PCBP3: variants seen among roughly 807,000 people sequenced by gnomAD.
The protein encoded by PCBP3 is poly(rC) binding protein 3.
Under a neutral mutation model 52.7 loss-of-function variants are expected in PCBP3, and 25 were observed. The ratio of observed to expected loss-of-function variants is 0.47; its 90% CI spans 0.35 to 0.66. The LOEUF is 0.66. Ranked by LOEUF, PCBP3 falls within the 30% of genes least tolerant of loss-of-function variation. The probability of loss-of-function intolerance (pLI) is 0.01; values close to 1 mark genes in which losing one functional copy is unlikely to be tolerated. For synonymous variants in PCBP3, 162 were observed against 183.0 expected, an observed-to-expected ratio of 0.89 and a Z score of 0.93; for missense variants, 391 against 490.3, an observed-to-expected ratio of 0.80 and a Z score of 1.91.
At chr21:45,870,254 C>T (rs901570541) in intron 5 of PCBP3, among the ~76,000 whole-genome samples, 3 of 151,628 alleles carry the variant, frequency 2.0e-5, no homozygotes, top group Admixed American at 1.3e-4. Context: ...TAGCTTATAT[C>T]TTTTTTAAGG....
At chr21:45,707,127 G>C (rs1255603589) in intron 2 of PCBP3, among the ~76,000 whole-genome samples, 1 of 152,126 alleles carries the variant, frequency 6.6e-6, no homozygotes, top group Non-Finnish European at 1.5e-5. Flanking sequence ...AATATTCCCT[G>C]ATAGAAGCCT....
At chr21:45,667,415 A>T (rs1030016256) in intron 1 of PCBP3, among the ~76,000 whole-genome samples, 2 of 151,948 alleles carry the variant, frequency 1.3e-5, no homozygotes, top group East Asian at 3.9e-4. Flanking sequence ...CAGTTGATCT[A>T]TCATCAAGCT....
Position 45,917,705 on chromosome 21 carries a change from G to A in PCBP3, c.717+76G>A, listed in dbSNP as rs757889286. 1.7e-5 allele frequency: 19 copies of A among 1,093,158 alleles called. No individual in the cohort carries two copies. In the South Asian group the frequency reaches 2.2e-4, roughly 13 times the overall value. The allele number at this position is 1,093,158 out of a possible 1,614,324, so 67.7% of individuals were successfully genotyped here. On this transcript the variant is annotated intron_variant, in intron 13 of 17. Transcript: ENST00000681687. The surrounding 1 kb of genome is among the most constrained non-coding windows in gnomAD (Gnocchi z 5.3). Reference sequence around the variant, plus strand: ...ACCTACCTGCATGCTGCTGTTAATTGCTACTAACATTAATATTACACAATA... The same window carrying A: ...ACCTACCTGCATGCTGCTGTTAATTACTACTAACATTAATATTACACAATA...
intron 1 of PCBP3, 78 bp downstream of exon 1, chr21:45,643,946 A>T (rs1260461429): frequency 6.7e-6 from 1 of 148,332 alleles, no homozygotes; most frequent in Non-Finnish European, 1.5e-5. Flanking sequence ...ACGGAGGCCG[A>T]GTGACGGGGC....
At position 45,736,250 on chromosome 21, in the gene PCBP3, G is replaced by C. The variant is rs1377580760; in HGVS notation, c.-162+821G>C. Among the ~76,000 whole-genome samples, 1 of 152,186 alleles carries C rather than the reference G, an allele frequency of 6.6e-6. No individual in the cohort carries two copies. The highest frequency in any genetic ancestry group is 1.5e-5 in the Non-Finnish European group (1 of 68,044). On this transcript the variant is annotated intron_variant, in intron 3 of 17. Coordinates refer to ENST00000681687, the MANE Select transcript of PCBP3 (RefSeq NM_001384156.1). The surrounding 1 kb of genome is among the most constrained non-coding windows in gnomAD (Gnocchi z 4.6). ...GAGATAGGGATTGTTATTCCCTGAG[G>C]CTTGGCGAGGTGAAGTAACTCACTC...
chr21:45,856,994 A>T (rs1224012705), intron 5 of PCBP3, among the ~76,000 whole-genome samples: 1 of 152,216 alleles, frequency 6.6e-6, no homozygotes, highest in African/African-American at 2.4e-5. Flanking sequence ...AAGATAAAGC[A>T]TTGTGGAGAC....
chr21:45,820,076 C>A (rs1027990553), intron 4 of PCBP3, among the ~76,000 whole-genome samples: 1 of 152,276 alleles, frequency 6.6e-6, no homozygotes, highest in South Asian at 2.1e-4. Flanking sequence ...ACTGGGTCTC[C>A]GTTTCAGCCA....
chr21:45,765,863 G>A (rs1007979484), intron 4 of PCBP3, among the ~76,000 whole-genome samples: 2 of 152,204 alleles, frequency 1.3e-5, no homozygotes, highest in Non-Finnish European at 2.9e-5. Flanking sequence ...TCCTGAGAAC[G>A]GGGAAGGCTC....
At chr21:45,708,772 C>A (rs1407828659) in intron 2 of PCBP3, among the ~76,000 whole-genome samples, 2 of 152,170 alleles carry the variant, frequency 1.3e-5, no homozygotes, top group Non-Finnish European at 2.9e-5. Context: ...CATGTGGGTT[C>A]CGTAGAGGCT....
chr21:45,895,860 T>C (rs964286068), intron 5 of PCBP3, among the ~76,000 whole-genome samples: 15 of 152,358 alleles, frequency 9.8e-5, no homozygotes, highest in African/African-American at 3.4e-4. Flanking sequence ...GCCTGTGAGC[T>C]GCAAGTCCCC....
intron 2 of PCBP3, among the ~76,000 whole-genome samples, chr21:45,730,067 ATTCTTT>A (rs2085342348): frequency 6.6e-6 from 1 of 151,602 alleles, no homozygotes; most frequent in Admixed American, 6.6e-5. Flanking sequence ...ATAGATTTTT[ATTCTTT>A]ATTTCCTTTC....
intron 2 of PCBP3, chr21:45,673,791 A>G (rs367590139): frequency 5.9e-5 from 9 of 152,220 alleles, no homozygotes; most frequent in African/African-American, 9.6e-5. Context: ...TGTTTCTACT[A>G]TAAGGTACCC....
chr21:45,820,140 G>A (rs537916999), intron 4 of PCBP3, among the ~76,000 whole-genome samples: 2 of 152,364 alleles, frequency 1.3e-5, no homozygotes, highest in East Asian at 1.9e-4. Flanking sequence ...AGGGAGTGGC[G>A]CTGGCCTTTT....
intron 3 of PCBP3, among the ~76,000 whole-genome samples, chr21:45,739,586 G>GCC (rs398036502): frequency 0.041 from 1,147 of 27,996 alleles, 204 homozygotes; most frequent in African/African-American, 0.17. Flanking sequence ...TCCTCTGGGT[G>GCC]CCCCCCCCCA....
At chr21:45,875,546 A>G (rs774948384) in intron 5 of PCBP3, among the ~76,000 whole-genome samples, 1 of 152,246 alleles carries the variant, frequency 6.6e-6, no homozygotes, top group Non-Finnish European at 1.5e-5. Flanking sequence ...CCACTCTGGC[A>G]GGCTGCAGTG....
chr21:45,782,800 C>T (rs2090742554), intron 4 of PCBP3, among the ~76,000 whole-genome samples: 3 of 152,144 alleles, frequency 2.0e-5, no homozygotes, highest in African/African-American at 7.2e-5. Context: ...TAAAAGCAAC[C>T]AGATTTTAAA....
intron 5 of PCBP3, among the ~76,000 whole-genome samples, chr21:45,895,135 T>G (rs1194097763): frequency 6.6e-6 from 1 of 152,236 alleles, no homozygotes; most frequent in Admixed American, 6.5e-5. Flanking sequence ...TCTTTGTAGA[T>G]CCTCCTTACA....
chr21:45,811,718 A>G, intron 4 of PCBP3, among the ~76,000 whole-genome samples: 1 of 152,038 alleles, frequency 6.6e-6, no homozygotes, highest in Middle Eastern at 3.2e-3. Flanking sequence ...ATTTTTTCTC[A>G]TTGTTTTACT....
intron 2 of PCBP3, among the ~76,000 whole-genome samples, chr21:45,681,672 T>C (rs2081858320): frequency 1.3e-5 from 2 of 152,240 alleles, no homozygotes; most frequent in Non-Finnish European, 2.9e-5. Flanking sequence ...AAGGATATTT[T>C]GCATCTATAT....
Sources: gnomAD v4.1 joint callset for allele counts (sites outside exome capture counted in the v4.1 genomes callset) on GRCh38, gnomAD v4.1.1 for gene constraint, Gnocchi (gnomAD v3.1) non-coding constraint, MANE v1.5 for transcripts, NCBI Gene and HGNC (gene_info 2026-07-23, HGNC 2026-07-21) for gene names.